Variants in IQGAP2 observed in about 807,000 individuals in gnomAD.
IQGAP2 encodes IQ motif containing GTPase activating protein 2, also known as ras GTPase-activating-like protein IQGAP2.
IQGAP2 carries 173 observed loss-of-function variants against 201.3 expected under a neutral mutation model. That is an observed-to-expected ratio of 0.86 (90% CI 0.76 to 0.98). IQGAP2 has a LOEUF of 0.98. Among genes scored for constraint, IQGAP2 ranks in the 50% least tolerant of loss-of-function variants. The probability of loss-of-function intolerance (pLI) is 0.00; values close to 1 mark genes in which losing one functional copy is unlikely to be tolerated. For synonymous variants in IQGAP2, 675 were observed against 673.9 expected (o/e 1.00, Z -0.03); for missense variants, 1,687 against 1,864.8 (o/e 0.90, Z 1.76).
At chr5:76,553,559 G>T (rs973180881) in intron 2 of IQGAP2, among the ~76,000 whole-genome samples, 2 of 152,200 alleles carry the variant, frequency 1.3e-5, no homozygotes, top group Non-Finnish European at 2.9e-5. Flanking sequence ...GCACAAAGTA[G>T]TACAATAGAA....
chr5:76,599,296 A>C (rs905575926), intron 10 of IQGAP2, among the ~76,000 whole-genome samples: 2 of 152,196 alleles, frequency 1.3e-5, no homozygotes, highest in Admixed American at 1.3e-4. Flanking sequence ...AAAATAGCTT[A>C]TTTTCTTAAT....
At chr5:76,540,545 G>A (rs1742691046) in intron 2 of IQGAP2, among the ~76,000 whole-genome samples, 2 of 152,194 alleles carry the variant, frequency 1.3e-5, no homozygotes, top group East Asian at 3.9e-4. Context: ...GCCAACAACG[G>A]ACTGGAATGA....
intron 35 of IQGAP2, 42 bp from the exon 36 acceptor site, chr5:76,707,158 A>T (rs78956189): frequency 0.018 from 16,810 of 920,282 alleles, 197 homozygotes; most frequent in Non-Finnish European, 0.023. Flanking sequence ...AAATGCACAA[A>T]ATGTCAAAGT....
At chr5:76,585,341 G>A (rs1480352350) in intron 5 of IQGAP2, among the ~76,000 whole-genome samples, 1 of 152,038 alleles carries the variant, frequency 6.6e-6, no homozygotes. Context: ...ACATTTTACT[G>A]TATAACATTT....
intron 2 of IQGAP2, among the ~76,000 whole-genome samples, chr5:76,530,598 A>G (rs1216210834): frequency 6.6e-6 from 1 of 152,318 alleles, no homozygotes; most frequent in Admixed American, 6.5e-5. Context: ...AAATTGTGTT[A>G]TGTACATAAA....
intron 13 of IQGAP2, chr5:76,623,387 G>T: frequency 1.4e-6 from 1 of 732,286 alleles, no homozygotes; most frequent in Non-Finnish European, 2.2e-6. Flanking sequence ...ACTTGCCCTG[G>T]TCCTCCGCAG....
chr5:76,629,391 C>T (rs1750516169), intron 14 of IQGAP2, among the ~76,000 whole-genome samples: 1 of 152,106 alleles, frequency 6.6e-6, no homozygotes, highest in South Asian at 2.1e-4. Flanking sequence ...AATGTGTTGG[C>T]CCAAATATGT....
chr5:76,610,099 TATATATATATATATA>T (rs1245105993), intron 12 of IQGAP2, among the ~76,000 whole-genome samples: 7 of 19,482 alleles, frequency 3.6e-4, no homozygotes, highest in African/African-American at 9.2e-4. Flanking sequence ...TATATATATA[TATATATATATATATA>T]TTTTTTTTTT....
intron 2 of IQGAP2, among the ~76,000 whole-genome samples, chr5:76,506,477 A>G (rs1232594657): frequency 2.6e-5 from 4 of 152,234 alleles, no homozygotes; most frequent in Non-Finnish European, 5.9e-5. Flanking sequence ...GCACAAATCT[A>G]TGCATCTTAT....
intron 14 of IQGAP2, 95 bp from the exon 15 acceptor site, chr5:76,631,764 C>A: frequency 2.3e-6 from 2 of 886,844 alleles, no homozygotes; most frequent in Non-Finnish European, 3.3e-6. Flanking sequence ...ATGTTTGATA[C>A]TAATGCATTC....
rs550113562 is a variant in IQGAP2, at chr5:76,559,972, A to G, written c.147-2424A>G. On this transcript the variant is annotated intron_variant, in intron 2 of 35. Coordinates refer to ENST00000274364, the MANE Select transcript of IQGAP2 (RefSeq NM_006633.5). Reference sequence around the variant, plus strand: ...GCCACCCAAGACCCTGACCTGGAATAAGAGGGTGAAGAATTTTCTTACTTT... The same window carrying G: ...GCCACCCAAGACCCTGACCTGGAATGAGAGGGTGAAGAATTTTCTTACTTT... Among the ~76,000 whole-genome samples, 3 of 152,246 alleles carry G rather than the reference A, an allele frequency of 2.0e-5. No homozygotes were observed. The East Asian group carries it at 5.8e-4, about 29-fold the overall frequency.
At chr5:76,464,514 ATGACT>A (rs1754666689) in intron 2 of IQGAP2, among the ~76,000 whole-genome samples, 2 of 152,182 alleles carry the variant, frequency 1.3e-5, no homozygotes, top group Non-Finnish European at 2.9e-5. Context: ...TTCAGTTGAA[ATGACT>A]TTATTGCATT....
chr5:76,641,017 A>G lies in IQGAP2; in HGVS notation c.2008A>G (p.Thr670Ala). The G allele has an allele frequency of 6.2e-7, 1 of 1,611,412 alleles. No individual in the cohort carries two copies. Among genetic ancestry groups the G allele is most frequent in the Non-Finnish European group, 8.5e-7 (1 of 1,177,762 alleles). Residue 670 changes from threonine (T) to alanine (A), a missense_variant, in exon 17 of 36, where the codon ACA becomes GCA. Physicochemically the swap from Thr to Ala is moderately conservative, Grantham distance 58. Transcript: ENST00000274364. ...AGAGTTGCTTCTTCGCTTTCAAGCC[A>G]CAAGCTCAGGACCCATCCTTAGGGA... Reference protein sequence around the residue: ...SEELLLRFQATSSGPILREEF... With the variant: ...SEELLLRFQAASSGPILREEF...
chr5:76,653,981 A>G (rs536756484), intron 18 of IQGAP2, among the ~76,000 whole-genome samples: 22 of 152,370 alleles, frequency 1.4e-4, no homozygotes, highest in African/African-American at 5.0e-4. Context: ...GGTGAAATTT[A>G]GAGTAACATG....
chr5:76,555,156 T>G (rs62361993), intron 2 of IQGAP2, among the ~76,000 whole-genome samples: 22,760 of 152,122 alleles, frequency 0.15, 1,848 homozygotes, highest in Admixed American at 0.27. Context: ...AAATGGAGAA[T>G]GACTGTTTAT....
At chr5:76,471,147 AT>A (rs1755072242) in intron 2 of IQGAP2, among the ~76,000 whole-genome samples, 1 of 152,206 alleles carries the variant, frequency 6.6e-6, no homozygotes, top group African/African-American at 2.4e-5. Flanking sequence ...AACCGGAGCT[AT>A]TGTGAAGGTC....
chr5:76,623,668 G>T lies in IQGAP2; in HGVS notation c.1522-3742G>T, dbSNP rs567423936. 4.6e-5 allele frequency among the ~76,000 whole-genome samples: 7 copies of T among 152,306 alleles called. No homozygotes were observed. In the South Asian group the frequency reaches 1.5e-3, roughly 32 times the overall value. On this transcript the variant is annotated intron_variant, in intron 13 of 35. Coordinates refer to ENST00000274364, the MANE Select transcript of IQGAP2 (RefSeq NM_006633.5). ...TTCATTTCTTATCCGTTTTAAAAATGCAGTTCCAGAGTGTAATTTCTACTT... is the reference window on the plus strand; with the variant it reads ...TTCATTTCTTATCCGTTTTAAAAATTCAGTTCCAGAGTGTAATTTCTACTT...
chr5:76,685,143 G>A (rs763304719), intron 30 of IQGAP2, among the ~76,000 whole-genome samples: 44 of 152,196 alleles, frequency 2.9e-4, no homozygotes, highest in Non-Finnish European at 3.2e-4. Context: ...CCTCACAAGA[G>A]TTGAGGGCGG....
At chr5:76,431,088 T>C (rs1752342773) in intron 1 of IQGAP2, among the ~76,000 whole-genome samples, 2 of 152,030 alleles carry the variant, frequency 1.3e-5, no homozygotes, top group African/African-American at 2.4e-5. Flanking sequence ...CATATATATG[T>C]AAAAATTCAG....
Sources: gnomAD v4.1 joint callset for allele counts (sites outside exome capture counted in the v4.1 genomes callset) on GRCh38, gnomAD v4.1.1 for gene constraint, MANE v1.5 for transcripts, NCBI Gene and HGNC (gene_info 2026-07-23, HGNC 2026-07-21) for gene names.